The following GRIK2 variants were observed in gnomAD, a reference collection of about 807,000 sequenced individuals.
GRIK2 encodes the protein glutamate receptor ionotropic, kainate 2.
GRIK2 carries 32 observed loss-of-function variants against 100.3 expected under a neutral mutation model. The observed-to-expected ratio is 0.32, with a 90% CI of 0.24 to 0.43. GRIK2 has a LOEUF of 0.43. Ranked by LOEUF, GRIK2 falls within the 20% of genes least tolerant of loss-of-function variation. The pLI is 1.00. For synonymous variants in GRIK2, 417 were observed against 389.4 expected (o/e 1.07, Z -0.83); for missense variants, 843 against 1,114.9 (o/e 0.76, Z 3.47).
At chr6:101,952,371 C>T (rs189333377) in intron 14 of GRIK2, among the ~76,000 whole-genome samples, 1 of 152,238 alleles carries the variant, frequency 6.6e-6, no homozygotes, top group East Asian at 1.9e-4. Context: ...CTATTTTGAG[C>T]AAAGCTGCTA....
At chr6:101,622,744 G>T (rs73761372) in intron 3 of GRIK2, among the ~76,000 whole-genome samples, 2,373 of 151,798 alleles carry the variant, frequency 0.016, 69 homozygotes, top group African/African-American at 0.054. Context: ...TATAACTGTT[G>T]TAAATGTCAA....
intron 14 of GRIK2, among the ~76,000 whole-genome samples, chr6:102,029,525 G>A (rs753419484): frequency 2.7e-5 from 4 of 150,686 alleles, no homozygotes; most frequent in Admixed American, 1.3e-4. Flanking sequence ...TGATTTTTAC[G>A]TTTCAAGTTC....
At chr6:101,987,456 TAGTA>T (rs1411147433) in intron 14 of GRIK2, among the ~76,000 whole-genome samples, 3 of 151,712 alleles carry the variant, frequency 2.0e-5, no homozygotes, top group Non-Finnish European at 4.4e-5. Flanking sequence ...ATCTTTTTAA[TAGTA>T]AGTTCGCTTT....
chr6:101,943,456 A>G (rs1017089880), intron 14 of GRIK2, among the ~76,000 whole-genome samples: 2 of 152,126 alleles, frequency 1.3e-5, no homozygotes, highest in African/African-American at 4.8e-5. Flanking sequence ...ATCCACCAAC[A>G]GTTTGTATCT....
intron 2 of GRIK2, among the ~76,000 whole-genome samples, chr6:101,521,166 A>G (rs1040487664): frequency 3.9e-5 from 6 of 152,060 alleles, no homozygotes; most frequent in African/African-American, 1.4e-4. Context: ...TAAAAATTAC[A>G]GTTTCAAAGA....
At chr6:101,779,737 C>A (rs1341322961) in intron 7 of GRIK2, among the ~76,000 whole-genome samples, 1 of 152,030 alleles carries the variant, frequency 6.6e-6, no homozygotes, top group Non-Finnish European at 1.5e-5. Flanking sequence ...TCAGAGGGAA[C>A]AGATATTCTC....
intron 4 of GRIK2, among the ~76,000 whole-genome samples, chr6:101,648,651 C>A (rs1294636350): frequency 6.6e-6 from 1 of 151,932 alleles, no homozygotes; most frequent in Non-Finnish European, 1.5e-5. Context: ...AGATTGAATT[C>A]AAAGCATAAA....
intron 7 of GRIK2, among the ~76,000 whole-genome samples, chr6:101,705,015 T>G (rs923719853): frequency 1.4e-5 from 2 of 147,076 alleles, no homozygotes; most frequent in Non-Finnish European, 3.0e-5. Context: ...ATATTTATAT[T>G]TATATATTAT....
intron 7 of GRIK2, among the ~76,000 whole-genome samples, chr6:101,726,308 A>G (rs965657791): frequency 2.8e-4 from 43 of 152,064 alleles, no homozygotes. Context: ...CTGTTGATTC[A>G]GAAGATTATA....
chr6:101,705,023 TATA>T lies in GRIK2; in HGVS notation c.951+18671_951+18673del, dbSNP rs534850036. Among the ~76,000 whole-genome samples the T allele has an allele frequency of 2.4e-3, 346 of 147,056 alleles. 1 individual carries two copies. Among genetic ancestry groups the T allele is most frequent in the African/African-American group, 8.2e-3 (336 of 40,828 alleles). On this transcript the variant is annotated intron_variant, in intron 7 of 16. Transcript: ENST00000369134. ...ATTACATATATTTATATTTATATAT[TATA>T]TTACATATATTTATATTTATATATT...
At position 102,038,950 on chromosome 6, in the gene GRIK2, A is replaced by G. The variant is rs192326930; in HGVS notation, c.2311+3384A>G. Among the ~76,000 whole-genome samples the G allele has an allele frequency of 4.0e-5, 6 of 151,542 alleles. No individual in the cohort carries two copies. In the East Asian group the frequency reaches 9.7e-4, roughly 25 times the overall value. ...TTTTGAGGTATTTTCAAGAAAGCCT[A>G]TGTGGTTTGATGAGGAGATTAAAAC... On this transcript the variant is annotated intron_variant, in intron 15 of 16. Transcript: ENST00000369134.
chr6:101,939,562 A>G (rs1364200202), intron 14 of GRIK2, among the ~76,000 whole-genome samples: 1 of 152,110 alleles, frequency 6.6e-6, no homozygotes, highest in Non-Finnish European at 1.5e-5. Context: ...TTAATAAACA[A>G]ATATTCTGGA....
intron 2 of GRIK2, among the ~76,000 whole-genome samples, chr6:101,514,543 T>A (rs1774485640): frequency 6.6e-6 from 1 of 152,092 alleles, no homozygotes; most frequent in Non-Finnish European, 1.5e-5. Flanking sequence ...CCTTTTAGGG[T>A]TAATAGTAAA....
intron 2 of GRIK2, among the ~76,000 whole-genome samples, chr6:101,551,443 G>C (rs929069453): frequency 6.6e-6 from 1 of 152,046 alleles, no homozygotes; most frequent in South Asian, 2.1e-4. Flanking sequence ...AGAAATTGAG[G>C]GTGGGATAAA....
chr6:101,772,818 A>G (rs1778490227), intron 7 of GRIK2, among the ~76,000 whole-genome samples: 1 of 152,024 alleles, frequency 6.6e-6, no homozygotes, highest in Non-Finnish European at 1.5e-5. Context: ...AGATGAAATT[A>G]AGTACCCTTC....
At chr6:102,022,211 A>T (rs1769465472) in intron 14 of GRIK2, among the ~76,000 whole-genome samples, 1 of 151,318 alleles carries the variant, frequency 6.6e-6, no homozygotes, top group East Asian at 1.9e-4. Flanking sequence ...TTATATACAT[A>T]TAACTGTGTA....
chr6:101,432,675 G>C (rs1026231011), intron 2 of GRIK2, among the ~76,000 whole-genome samples: 3 of 152,076 alleles, frequency 2.0e-5, no homozygotes. Flanking sequence ...GCATTCATCT[G>C]CTTAGGGTGA....
chr6:101,713,542 G>A (rs1334129096), intron 7 of GRIK2, among the ~76,000 whole-genome samples: 3 of 151,722 alleles, frequency 2.0e-5, no homozygotes, highest in African/African-American at 4.8e-5. Context: ...GGTCTATTAA[G>A]CAAAATAAGA....
At chr6:101,679,415 T>A (rs1771080441) in intron 5 of GRIK2, among the ~76,000 whole-genome samples, 1 of 152,184 alleles carries the variant, frequency 6.6e-6, no homozygotes, top group Non-Finnish European at 1.5e-5. Context: ...ATATTTTGAC[T>A]TTAGAAAATT....
Sources: gnomAD v4.1 joint callset for allele counts (sites outside exome capture counted in the v4.1 genomes callset) on GRCh38, gnomAD v4.1.1 for gene constraint, MANE v1.5 for transcripts, NCBI Gene and HGNC (gene_info 2026-07-23, HGNC 2026-07-21) for gene names.